The following HTR2A variants were observed in gnomAD, a reference collection of about 807,000 sequenced individuals.
The protein encoded by HTR2A is 5-HT2 receptor.
In HTR2A, 14 loss-of-function variants were observed where a neutral mutation model predicts 31.0. The ratio of observed to expected loss-of-function variants is 0.45; its 90% CI spans 0.30 to 0.71. The LOEUF is 0.71. Ranked by LOEUF, HTR2A falls within the 30% of genes least tolerant of loss-of-function variation. HTR2A has a pLI of 0.09. For missense variants in HTR2A, 442 were observed against 573.3 expected (o/e 0.77, Z 2.34); for synonymous variants, 209 against 225.2 (o/e 0.93, Z 0.64).
At chr13:46,840,601 A>G (rs1326027133) in intron 3 of HTR2A, among the ~76,000 whole-genome samples, 5 of 152,284 alleles carry the variant, frequency 3.3e-5, no homozygotes, top group African/African-American at 1.2e-4. Context: ...ATTTAGTTAG[A>G]ATCACACAGA....
intron 3 of HTR2A, among the ~76,000 whole-genome samples, chr13:46,835,887 AT>A (rs1876437460): frequency 6.6e-6 from 1 of 152,108 alleles, no homozygotes; most frequent in Admixed American, 6.5e-5. Flanking sequence ...ATCTAGCTTT[AT>A]TTTTTATGCC....
intron 3 of HTR2A, among the ~76,000 whole-genome samples, chr13:46,868,979 T>C (rs967354342): frequency 1.3e-5 from 2 of 152,164 alleles, no homozygotes; most frequent in African/African-American, 4.8e-5. Flanking sequence ...AAAGTAGCTT[T>C]ACAGAATCTG....
chr13:46,856,042 A>G lies in HTR2A; in HGVS notation c.614-20403T>C, dbSNP rs539750269. 2.6e-5 allele frequency: 4 copies of G among 152,386 alleles called. No individual in the cohort carries two copies. The East Asian group carries it at 7.7e-4, about 29-fold the overall frequency. 9.4% of individuals were successfully genotyped at this position (152,386 alleles called of 1,614,324 possible). ...GGGTTTGGGACAGAACAGGTAGAATAAAGCAATCCCTTACCCTGCTTCATC... is the reference window on the plus strand; with the variant it reads ...GGGTTTGGGACAGAACAGGTAGAATGAAGCAATCCCTTACCCTGCTTCATC... On this transcript the variant is annotated intron_variant, in intron 3 of 3. Transcript: ENST00000542664.
Position 46,895,708 on chromosome 13 carries a change from A to G in HTR2A, c.199T>C (p.Ser67Pro). ...TTTTTTTCCTGGAGATGAAGTAAGG[A>G]GAGACACGACGGTGAGAGGCACCCT... Reference protein sequence around the residue: ...CEGCLSPSCLSLLHLQEKNWS... With the variant: ...CEGCLSPSCLPLLHLQEKNWS... The change falls in exon 2 of 4, where the codon TCC becomes CCC. Residue 67 changes from serine to proline, a missense_variant. By Grantham distance (74) the Ser-to-Pro change is moderately conservative. This residue lies in a region of HTR2A where 83 missense variants were observed against 84.8 expected (regional missense o/e 0.98). Coordinates refer to ENST00000542664, the MANE Select transcript of HTR2A (RefSeq NM_000621.5). This position sits in a 1 kb window ranked among gnomAD's most constrained non-coding sequence, Gnocchi z 4.4. 1 of 1,614,164 alleles carries G rather than the reference A, an allele frequency of 6.2e-7. No individual in the cohort carries two copies. Among genetic ancestry groups the G allele is most frequent in the Non-Finnish European group, 8.5e-7 (1 of 1,180,028 alleles).
intron 3 of HTR2A, among the ~76,000 whole-genome samples, chr13:46,875,622 AGAGTGT>A (rs1255280355): frequency 6.6e-6 from 1 of 152,196 alleles, no homozygotes. Context: ...ACAGGGCCCT[AGAGTGT>A]GAGGAAAGGT....
At position 46,835,183 on chromosome 13, in the gene HTR2A, A is replaced by T; in HGVS notation, c.1070T>A (p.Val357Asp). 2 of 1,614,146 alleles carry T rather than the reference A, an allele frequency of 1.2e-6. No homozygotes were observed. Among genetic ancestry groups the T allele is most frequent in the Non-Finnish European group, 1.7e-6 (2 of 1,179,994 alleles). ...AAACACATTGAGCAGGGCCCCAATG[A>T]CATCCTCATTGCAGGACTCTTTGCA... ...VICKESCNED[V>D]IGALLNVFVW... is the part of the protein sequence containing the mutation. The change falls in exon 4 of 4, where the codon GTC (valine) becomes GAC (aspartate). Residue 357 changes from valine (V) to aspartate (D), a missense_variant. By Grantham distance (152) the Val-to-Asp change is radical. Transcript: ENST00000542664.
chr13:46,889,832 C>T (rs1415064578), intron 3 of HTR2A, among the ~76,000 whole-genome samples: 3 of 152,158 alleles, frequency 2.0e-5, no homozygotes, highest in Non-Finnish European at 2.9e-5. Flanking sequence ...TGCTGAGTCT[C>T]TGTAGGTCCT....
intron 3 of HTR2A, among the ~76,000 whole-genome samples, chr13:46,864,995 C>A (rs1307556882): frequency 1.3e-5 from 2 of 152,128 alleles, no homozygotes; most frequent in Non-Finnish European, 2.9e-5. Context: ...CCCAACCTAA[C>A]CTCATATTGA....
chr13:46,863,630 GAAAA>G (rs59693757), intron 3 of HTR2A, among the ~76,000 whole-genome samples: 1 of 59,254 alleles, frequency 1.7e-5, no homozygotes, highest in Non-Finnish European at 2.9e-5. Context: ...CCCTCAAAAT[GAAAA>G]AAAAAAAAAA....
At chr13:46,854,363 C>G (rs1243142336) in intron 3 of HTR2A, 1 of 152,218 alleles carries the variant, frequency 6.6e-6, no homozygotes, top group Non-Finnish European at 1.5e-5. Flanking sequence ...ACAAATAGCA[C>G]AAGCTTAGGT....
Position 46,895,423 on chromosome 13 carries a change from C to T in HTR2A, c.412+72G>A. 1 of 1,418,046 alleles carries T rather than the reference C, an allele frequency of 7.1e-7. No individual in the cohort carries two copies. The highest frequency in any genetic ancestry group is 9.7e-7 in the Non-Finnish European group (1 of 1,034,992). The allele number at this position is 1,418,046 out of a possible 1,614,324, so 87.8% of individuals were successfully genotyped here. On this transcript the variant is annotated intron_variant, in intron 2 of 3. Transcript: ENST00000542664. This position sits in a 1 kb window ranked among gnomAD's most constrained non-coding sequence, Gnocchi z 4.4. ...AGTTTGTTTGCCCCCTGAGCCCCAT[C>T]TCATCTGCTGGTGGCATGCACATGC...
At chr13:46,863,630 G>GAAAAAAAAAAAAAAAAAAAAAAA (rs59693757) in intron 3 of HTR2A, among the ~76,000 whole-genome samples, 39 of 59,276 alleles carry the variant, frequency 6.6e-4, no homozygotes, top group East Asian at 1.7e-3. Flanking sequence ...CCCTCAAAAT[G>GAAAAAAAAAAAAAAAAAAAAAAA]AAAAAAAAAA....
In HTR2A at chr13:46,832,422, G is replaced by A. The variant is rs1876277631; in HGVS notation, c.*2415C>T. On this transcript the variant is annotated 3_prime_UTR_variant, in exon 4 of 4. Coordinates refer to ENST00000542664, the MANE Select transcript of HTR2A (RefSeq NM_000621.5). ...AGTATACACTTGAATAGATACTTATGGAAGAAAAAAACACATACACATTTG... is the reference window on the plus strand; with the variant it reads ...AGTATACACTTGAATAGATACTTATAGAAGAAAAAAACACATACACATTTG... The A allele has an allele frequency of 6.6e-6, 1 of 151,968 alleles. No homozygotes were observed. Among genetic ancestry groups the A allele is most frequent in the Admixed American group, 6.6e-5 (1 of 15,264 alleles). The allele number at this position is 151,968 out of a possible 1,614,324, so 9.4% of individuals were successfully genotyped here.
chr13:46,883,092 T>C (rs1950979195), intron 3 of HTR2A, among the ~76,000 whole-genome samples: 1 of 152,210 alleles, frequency 6.6e-6, no homozygotes, highest in Non-Finnish European at 1.5e-5. Flanking sequence ...CAGCCAATTA[T>C]AGAAAATAAA....
At chr13:46,842,658 T>C (rs749044080) in intron 3 of HTR2A, among the ~76,000 whole-genome samples, 2 of 152,236 alleles carry the variant, frequency 1.3e-5, no homozygotes, top group Non-Finnish European at 2.9e-5. Context: ...CTTTGTAATC[T>C]GATTTTAACA....
chr13:46,894,029 G>T (rs1951077803), intron 2 of HTR2A, among the ~76,000 whole-genome samples: 1 of 152,260 alleles, frequency 6.6e-6, no homozygotes. Flanking sequence ...CGCTCTGTCT[G>T]TTCGGAACAG....
At chr13:46,863,630 G>GAAAAAAAAAAAA (rs59693757) in intron 3 of HTR2A, among the ~76,000 whole-genome samples, 531 of 59,258 alleles carry the variant, frequency 9.0e-3, no homozygotes, top group Middle Eastern at 0.016. Flanking sequence ...CCCTCAAAAT[G>GAAAAAAAAAAAA]AAAAAAAAAA....
At chr13:46,851,144 C>A (rs1464446230) in intron 3 of HTR2A, among the ~76,000 whole-genome samples, 1 of 152,192 alleles carries the variant, frequency 6.6e-6, no homozygotes, top group East Asian at 1.9e-4. Context: ...GGTGTACAAA[C>A]ACTATGTCTT....
intron 3 of HTR2A, among the ~76,000 whole-genome samples, chr13:46,868,543 G>A (rs2138223782): frequency 6.6e-6 from 1 of 152,140 alleles, no homozygotes; most frequent in Non-Finnish European, 1.5e-5. Flanking sequence ...CAAAATTAGG[G>A]AATTAGCACT....
Sources: gnomAD v4.1 joint callset for allele counts (sites outside exome capture counted in the v4.1 genomes callset) on GRCh38, gnomAD v4.1.1 for gene constraint, gnomAD v4.1.1 regional missense constraint, Gnocchi (gnomAD v3.1) non-coding constraint, MANE v1.5 for transcripts, NCBI Gene and HGNC (gene_info 2026-07-23, HGNC 2026-07-21) for gene names.